Variants in ARHGEF38 observed in about 807,000 individuals in gnomAD.
ARHGEF38 encodes the protein Rho guanine nucleotide exchange factor (GEF) 38.
Under a neutral mutation model 79.9 loss-of-function variants are expected in ARHGEF38, and 79 were observed. That is an observed-to-expected ratio of 0.99 (90% CI 0.82 to 1.19). ARHGEF38 has a LOEUF of 1.19. ARHGEF38 is among the 50% of genes most tolerant of loss of function. ARHGEF38 has a pLI of 0.00. For synonymous variants in ARHGEF38, 366 were observed against 328.3 expected, an observed-to-expected ratio of 1.11 and a Z score of -1.24; for missense variants, 962 against 907.2, an observed-to-expected ratio of 1.06 and a Z score of -0.78.
chr4:105,643,476 C>G (rs1657665174), intron 5 of ARHGEF38, among the ~76,000 whole-genome samples: 1 of 152,186 alleles, frequency 6.6e-6, no homozygotes, highest in Non-Finnish European at 1.5e-5. Context: ...GTCTTTGTCT[C>G]TCTTATGCTA....
Position 105,611,517 on chromosome 4 carries a change from A to ATT in ARHGEF38, c.385-1867_385-1866insTT, listed in dbSNP as rs961143453. Among the ~76,000 whole-genome samples, 26 of 152,196 alleles carry ATT rather than the reference A, an allele frequency of 1.7e-4. No homozygotes were observed. The South Asian group carries it at 5.2e-3, about 30-fold the overall frequency. ...TACATTTGAGCCATTGATAATAATG[A>ATT]AGTATTATTAAATGACAACTTCATG... On this transcript the variant is annotated intron_variant, in intron 2 of 13. Coordinates refer to ENST00000420470, the MANE Select transcript of ARHGEF38 (RefSeq NM_001242729.2).
intron 3 of ARHGEF38, among the ~76,000 whole-genome samples, chr4:105,614,631 T>C (rs548314939): frequency 7.9e-5 from 12 of 152,302 alleles, no homozygotes; most frequent in African/African-American, 2.9e-4. Flanking sequence ...CTTCCACAGA[T>C]AGGTTTAAAT....
chr4:105,586,193 C>G (rs1428654352), intron 1 of ARHGEF38, among the ~76,000 whole-genome samples: 1 of 146,054 alleles, frequency 6.8e-6, no homozygotes, highest in Non-Finnish European at 1.5e-5. Flanking sequence ...CTTACAAAAA[C>G]AAAATGTGTC....
chr4:105,574,093 T>C (rs1396959992), intron 1 of ARHGEF38, among the ~76,000 whole-genome samples: 1 of 152,204 alleles, frequency 6.6e-6, no homozygotes, highest in Non-Finnish European at 1.5e-5. Context: ...CTGAATTTAT[T>C]AGTTCCAACA....
chr4:105,660,949 G>T (rs553974249), intron 10 of ARHGEF38, among the ~76,000 whole-genome samples: 9 of 152,026 alleles, frequency 5.9e-5, no homozygotes, highest in African/African-American at 2.2e-4. Flanking sequence ...GAACATTGTC[G>T]TGGCCCCCTA....
intron 1 of ARHGEF38, among the ~76,000 whole-genome samples, chr4:105,566,777 G>T (rs1374894601): frequency 1.3e-5 from 2 of 149,232 alleles, no homozygotes; most frequent in Non-Finnish European, 3.0e-5. Context: ...TTAAGAGACG[G>T]AGTTTTGCTC....
chr4:105,673,793 T>C (rs978280330), intron 13 of ARHGEF38, among the ~76,000 whole-genome samples: 2 of 152,102 alleles, frequency 1.3e-5, no homozygotes, highest in African/African-American at 4.8e-5. Flanking sequence ...TTGTTTTGCT[T>C]AACTTTACTT....
downstream of ARHGEF38, among the ~76,000 whole-genome samples, chr4:105,681,817 A>G (rs1731320887): frequency 6.6e-6 from 1 of 152,236 alleles, no homozygotes; most frequent in Non-Finnish European, 1.5e-5. Context: ...ATCATTATAT[A>G]GGAGCTTATT....
intron 3 of ARHGEF38, among the ~76,000 whole-genome samples, chr4:105,617,025 G>A (rs975966339): frequency 2.0e-5 from 3 of 152,132 alleles, no homozygotes; most frequent in Admixed American, 6.5e-5. Flanking sequence ...AGTTGACACC[G>A]TTAGCAAAAG....
intron 1 of ARHGEF38, among the ~76,000 whole-genome samples, chr4:105,573,539 T>A (rs950085779): frequency 2.0e-5 from 3 of 152,172 alleles, no homozygotes; most frequent in Non-Finnish European, 2.9e-5. Flanking sequence ...TTTGACCATA[T>A]ATGCAAGGAT....
At chr4:105,650,564 G>A (rs1730058252) in intron 7 of ARHGEF38, among the ~76,000 whole-genome samples, 4 of 152,170 alleles carry the variant, frequency 2.6e-5, no homozygotes, top group Admixed American at 2.6e-4. Context: ...TTCTGGTCTA[G>A]ACTTTCTCTT....
intron 1 of ARHGEF38, among the ~76,000 whole-genome samples, chr4:105,580,106 A>ACCTTT (rs1726712016): frequency 5.7e-5 from 2 of 35,140 alleles, no homozygotes; most frequent in African/African-American, 8.8e-5. Flanking sequence ...GTTCATTTGG[A>ACCTTT]TCTTTTTTCT....
rs370229428 is a variant in ARHGEF38 at position 105,614,191 on chromosome 4, T to G, written c.508+684T>G. ...TGCTATGAATTCCTTAAAGGCAGTT[T>G]GCACTTCGAGACATCATACAGTGTC... On this transcript the variant is annotated intron_variant, in intron 3 of 13. Coordinates refer to ENST00000420470, the MANE Select transcript of ARHGEF38 (RefSeq NM_001242729.2). 2.6e-4 allele frequency among the ~76,000 whole-genome samples: 39 copies of G among 152,288 alleles called. No homozygotes were observed. In the South Asian group the frequency reaches 6.2e-3, roughly 24 times the overall value.
At chr4:105,665,804 T>C (rs1730729058) in intron 10 of ARHGEF38, among the ~76,000 whole-genome samples, 1 of 152,198 alleles carries the variant, frequency 6.6e-6, no homozygotes. Flanking sequence ...AAGAATTTGT[T>C]TGAAAACCAG....
At position 105,680,347 on chromosome 4, in the gene ARHGEF38, TTA is replaced by T; in HGVS notation, c.*2412_*2413del. ...AAAGCTTACTTGTTAGCACACTTGC[TTA>T]TCTGTCCATTCATTCATTGAACCAG... On this transcript the variant is annotated 3_prime_UTR_variant, in exon 14 of 14. Coordinates refer to ENST00000420470, the MANE Select transcript of ARHGEF38 (RefSeq NM_001242729.2). The T allele has an allele frequency of 3.8e-6, 1 of 263,940 alleles. No individual in the cohort carries two copies. The highest frequency in any genetic ancestry group is 5.1e-5 in the South Asian group (1 of 19,692). 16.3% of individuals were successfully genotyped at this position (263,940 alleles called of 1,614,324 possible). A position where few individuals can be genotyped will look rare whatever the true frequency, so the allele number is the denominator to read the frequency against.
At chr4:105,644,341 C>G (rs1025677789) in intron 5 of ARHGEF38, among the ~76,000 whole-genome samples, 1 of 152,176 alleles carries the variant, frequency 6.6e-6, no homozygotes, top group Non-Finnish European at 1.5e-5. Flanking sequence ...TTCCTATCTA[C>G]AGTGTATCTT....
At chr4:105,660,079 C>T (rs1730501508) in intron 10 of ARHGEF38, among the ~76,000 whole-genome samples, 1 of 152,008 alleles carries the variant, frequency 6.6e-6, no homozygotes, top group African/African-American at 2.4e-5. Context: ...ATAATTGTCC[C>T]TACTTTATTT....
rs1445187177 is a variant in ARHGEF38 at position 105,622,474 on chromosome 4, C to T, written c.509-8424C>T. Among the ~76,000 whole-genome samples, 3 of 152,158 alleles carry T rather than the reference C, an allele frequency of 2.0e-5. No individual in the cohort carries two copies. In the East Asian group the frequency reaches 5.8e-4, roughly 29 times the overall value. On this transcript the variant is annotated intron_variant, in intron 3 of 13. Coordinates refer to ENST00000420470, the MANE Select transcript of ARHGEF38 (RefSeq NM_001242729.2). ...CATGGCCTTTGAAGTGAAACAGATCCAAGTCTTAATCCTGGCTGTCATCAC... is the reference window on the plus strand; with the variant it reads ...CATGGCCTTTGAAGTGAAACAGATCTAAGTCTTAATCCTGGCTGTCATCAC...
Position 105,677,764 on chromosome 4 carries a change from G to C in ARHGEF38, c.2161G>C (p.Val721Leu). The C allele has an allele frequency of 6.7e-7, 1 of 1,485,524 alleles. No homozygotes were observed. The highest frequency in any genetic ancestry group is 9.0e-7 in the Non-Finnish European group (1 of 1,114,918). The allele number at this position is 1,485,524 out of a possible 1,614,324, so 92.0% of individuals were successfully genotyped here. A position where few individuals can be genotyped will look rare whatever the true frequency, so the allele number is the denominator to read the frequency against. The change falls in exon 14 of 14, where the codon GTT becomes CTT. Residue 721 changes from valine (V) to leucine (L), a missense_variant. By Grantham distance (32) the Val-to-Leu change is conservative. Transcript: ENST00000420470. ...TTTCTTTGTCTAGATTTTCTATGCA[G>C]TTCATGCTTTTCAAGCACGGAGTGA... Reference protein sequence around the residue: ...QEVDEQIFYAVHAFQARSDHE... With the variant: ...QEVDEQIFYALHAFQARSDHE...
Sources: gnomAD v4.1 joint callset for allele counts (sites outside exome capture counted in the v4.1 genomes callset) on GRCh38, gnomAD v4.1.1 for gene constraint, MANE v1.5 for transcripts, NCBI Gene and HGNC (gene_info 2026-07-23, HGNC 2026-07-21) for gene names.